The following SCG5 variants were observed in gnomAD, a reference collection of about 807,000 sequenced individuals.
SCG5 encodes the protein neuroendocrine protein 7B2.
In SCG5, 18 loss-of-function variants were observed where a neutral mutation model predicts 25.7. The observed-to-expected ratio is 0.70, with a 90% CI of 0.48 to 1.04. The LOEUF (loss-of-function observed/expected upper bound fraction) is 1.04. Ranked by LOEUF, SCG5 falls within the 50% of genes least tolerant of loss-of-function variation. The pLI is 0.00. For synonymous variants in SCG5, 101 were observed against 91.7 expected, an observed-to-expected ratio of 1.10 and a Z score of -0.58; for missense variants, 206 against 259.8, an observed-to-expected ratio of 0.79 and a Z score of 1.42.
At chr15:32,668,228 T>G (rs1442530215) in intron 2 of SCG5, among the ~76,000 whole-genome samples, 1 of 152,216 alleles carries the variant, frequency 6.6e-6, no homozygotes, top group Non-Finnish European at 1.5e-5. Flanking sequence ...AAGAATTTTC[T>G]ATGAGATTAC....
intron 2 of SCG5, 132 bp from the exon 3 acceptor site, chr15:32,679,634 A>G (rs368897530): frequency 2.1e-6 from 2 of 964,812 alleles, no homozygotes; most frequent in East Asian, 2.4e-5. Context: ...CTAGAGGGCA[A>G]GAACCATTTC....
chr15:32,652,844 T>C (rs902429274), intron 2 of SCG5, among the ~76,000 whole-genome samples: 7 of 152,242 alleles, frequency 4.6e-5, no homozygotes, highest in African/African-American at 1.7e-4. Context: ...TAACTATTAG[T>C]TATTTACTAG....
intron 2 of SCG5, chr15:32,669,182 C>T (rs2054374820): frequency 6.6e-6 from 1 of 152,124 alleles, no homozygotes; most frequent in Non-Finnish European, 1.5e-5. Context: ...GAAGCTTACC[C>T]AAAGGAATGA....
intron 2 of SCG5, among the ~76,000 whole-genome samples, chr15:32,660,211 G>A (rs1049382392): frequency 6.6e-6 from 1 of 152,144 alleles, no homozygotes; most frequent in Non-Finnish European, 1.5e-5. Flanking sequence ...TTGGTGCCTA[G>A]GGGTCTGGGC....
At chr15:32,668,358 C>T (rs569052321) in intron 2 of SCG5, among the ~76,000 whole-genome samples, 39 of 152,350 alleles carry the variant, frequency 2.6e-4, no homozygotes, top group African/African-American at 9.4e-4. Flanking sequence ...ATTTGTAAGG[C>T]CAAGTGAGAA....
At chr15:32,655,244 C>T (rs1272665115) in intron 2 of SCG5, among the ~76,000 whole-genome samples, 1 of 151,816 alleles carries the variant, frequency 6.6e-6, no homozygotes, top group Non-Finnish European at 1.5e-5. Context: ...GGAGGCGGAG[C>T]TTGCAGTGAG....
chr15:32,688,902 C>T (rs146417873), intron 4 of SCG5, among the ~76,000 whole-genome samples: 48 of 142,966 alleles, frequency 3.4e-4, no homozygotes, highest in African/African-American at 1.1e-3. Context: ...GAGCTTGCAG[C>T]GAGCCGAGAT....
chr15:32,692,382 T>G, intron 5 of SCG5: 1 of 489,322 alleles, frequency 2.0e-6, no homozygotes, highest in Non-Finnish European at 2.7e-6. Context: ...AGGAACTTGG[T>G]CTAGATACTC....
chr15:32,655,446 C>T (rs1432713780), intron 2 of SCG5, among the ~76,000 whole-genome samples: 2 of 152,178 alleles, frequency 1.3e-5, no homozygotes, highest in Admixed American at 6.5e-5. Context: ...TCGGCACCAC[C>T]ATGCCCTTCA....
chr15:32,650,296 T>C (rs2054013592), intron 2 of SCG5, among the ~76,000 whole-genome samples: 1 of 152,022 alleles, frequency 6.6e-6, no homozygotes, highest in Non-Finnish European at 1.5e-5. Context: ...AGAGACGGGG[T>C]TTCACCATGT....
intron 2 of SCG5, among the ~76,000 whole-genome samples, chr15:32,649,939 G>C (rs1301232255): frequency 6.6e-6 from 1 of 152,156 alleles, no homozygotes; most frequent in East Asian, 1.9e-4. Context: ...GTTCGAGTTG[G>C]TGTTTGAAAA....
chr15:32,653,848 T>G (rs536449806), intron 2 of SCG5, among the ~76,000 whole-genome samples: 1 of 152,292 alleles, frequency 6.6e-6, no homozygotes, highest in Non-Finnish European at 1.5e-5. Context: ...ATCACACAAC[T>G]GGGTACTATA....
At chr15:32,681,987 C>A (rs1243966466) in intron 3 of SCG5, among the ~76,000 whole-genome samples, 3 of 152,114 alleles carry the variant, frequency 2.0e-5, no homozygotes, top group Non-Finnish European at 2.9e-5. Context: ...TGAATCCCTG[C>A]CTGGCTCTAA....
At chr15:32,696,261 G>T (rs897066805) in intron 5 of SCG5, among the ~76,000 whole-genome samples, 5 of 152,112 alleles carry the variant, frequency 3.3e-5, no homozygotes, top group Admixed American at 2.6e-4. Flanking sequence ...GGGACTACAG[G>T]CACCCACCAC....
chr15:32,666,815 A>T (rs2054325477), intron 2 of SCG5, among the ~76,000 whole-genome samples: 1 of 152,216 alleles, frequency 6.6e-6, no homozygotes, highest in South Asian at 2.1e-4. Flanking sequence ...GAGGTCATAC[A>T]GCTAAGGTGA....
intron 2 of SCG5, among the ~76,000 whole-genome samples, chr15:32,678,901 G>C (rs1160493195): frequency 6.6e-6 from 1 of 152,194 alleles, no homozygotes; most frequent in Non-Finnish European, 1.5e-5. Context: ...AAATAGAAAT[G>C]AATATATACT....
intron 2 of SCG5, among the ~76,000 whole-genome samples, chr15:32,648,269 T>G (rs998847020): frequency 1.3e-5 from 2 of 152,206 alleles, no homozygotes; most frequent in African/African-American, 4.8e-5. Context: ...ATTTCCTGTC[T>G]GCTTCTCTCT....
At chr15:32,674,638 C>G (rs1245465550) in intron 2 of SCG5, among the ~76,000 whole-genome samples, 4 of 152,122 alleles carry the variant, frequency 2.6e-5, no homozygotes, top group African/African-American at 7.2e-5. Flanking sequence ...AGAGGTTGTC[C>G]TTGGGAGTGC....
At chr15:32,657,211 A>ATATATATATATATG (rs1555433850) in intron 2 of SCG5, among the ~76,000 whole-genome samples, 3 of 102,480 alleles carry the variant, frequency 2.9e-5, no homozygotes, top group African/African-American at 1.0e-4. Flanking sequence ...ATATATATAT[A>ATATATATATATATG]TGTATGTATT....
Sources: allele counts gnomAD v4.1 joint callset (sites outside exome capture counted in the v4.1 genomes callset), GRCh38; gene constraint gnomAD v4.1.1; transcripts MANE v1.5; gene names NCBI Gene and HGNC (gene_info 2026-07-23, HGNC 2026-07-21).